EHMT1: variants seen among roughly 807,000 people sequenced by gnomAD.
The protein encoded by EHMT1 is histone-lysine N-methyltransferase EHMT1.
A neutral mutation model predicts 147.2 loss-of-function variants in EHMT1; 15 were observed. The observed-to-expected ratio is 0.10, with a 90% CI of 0.07 to 0.16. The LOEUF (loss-of-function observed/expected upper bound fraction) is 0.16, where lower values mean the gene tolerates loss of function less well. EHMT1 is among the 10% of genes least tolerant of loss of function. The probability of loss-of-function intolerance (pLI) is 1.00; values close to 1 mark genes in which losing one functional copy is unlikely to be tolerated. For synonymous variants in EHMT1, 795 were observed against 709.6 expected (o/e 1.12, Z -1.91); for missense variants, 1,587 against 1,772.4 (o/e 0.90, Z 1.88).
At chr9:137,831,404 C>T (rs1381088451) in intron 25 of EHMT1, among the ~76,000 whole-genome samples, 1 of 152,180 alleles carries the variant, frequency 6.6e-6, no homozygotes, top group South Asian at 2.1e-4. Flanking sequence ...TTGGGGCATT[C>T]AGGTTGATTT....
chr9:137,745,645 G>C (rs1018910377), intron 6 of EHMT1: 1 of 397,840 alleles, frequency 2.5e-6, no homozygotes, highest in African/African-American at 2.1e-5. Context: ...CAGCTGCCGC[G>C]GTCTCTGCAC....
chr9:137,832,205 C>T (rs1288816584), intron 25 of EHMT1, among the ~76,000 whole-genome samples: 1 of 149,972 alleles, frequency 6.7e-6, no homozygotes, highest in Non-Finnish European at 1.5e-5. Context: ...ACAGGCCCCA[C>T]CTCCTACATG....
At chr9:137,809,410 C>T (rs959874043) in intron 18 of EHMT1, among the ~76,000 whole-genome samples, 6 of 152,210 alleles carry the variant, frequency 3.9e-5, no homozygotes, top group Admixed American at 6.5e-5. Flanking sequence ...GATGTGGCGG[C>T]GGCCCTGCGC....
At position 137,743,914 on chromosome 9, in the gene EHMT1, C is replaced by G; in HGVS notation, c.994C>G (p.Leu332Val). The change falls in exon 6 of 27, where the codon CTG (leucine) becomes GTG (valine). Residue 332 changes from leucine (L) to valine (V), a missense_variant. Transcript: ENST00000460843. ...STVGSKGEKD[L>V]GASSLHVNGE... ...GCCCGTGTTCTAGGGGGAGAAGGAC[C>G]TGGGCGCCAGCAGCCTGCACGTGAA... 2 of 1,612,526 alleles carry G rather than the reference C, an allele frequency of 1.2e-6. No individual in the cohort carries two copies. The highest frequency in any genetic ancestry group is 2.2e-5 in the East Asian group (1 of 44,862).
At position 137,717,073 on chromosome 9, in the gene EHMT1, C is replaced by A. The variant is rs777497639; in HGVS notation, c.533C>A (p.Thr178Asn). The A allele has an allele frequency of 2.5e-6, 4 of 1,610,730 alleles. No homozygotes were observed. Among genetic ancestry groups the A allele is most frequent in the Non-Finnish European group, 3.4e-6 (4 of 1,178,464 alleles). ...CAGACGCCAGCCGCCCCACCAGCCACCCTTGGGGAGGGGAGTGCTGACACA... is the reference window on the plus strand; with the variant it reads ...CAGACGCCAGCCGCCCCACCAGCCAACCTTGGGGAGGGGAGTGCTGACACA... ...FPQTPAAPPA[T>N]LGEGSADTED... The change falls in exon 3 of 27, where the codon ACC becomes AAC. Residue 178 changes from threonine to asparagine, a missense_variant. Around this residue, in one of 7 missense-constraint regions of EHMT1, gnomAD observed 810 missense variants for 673.0 expected, o/e 1.20. Coordinates refer to ENST00000460843, the MANE Select transcript of EHMT1 (RefSeq NM_024757.5).
In EHMT1 at chr9:137,813,350, T is replaced by A; in HGVS notation, c.3036-36T>A. On this transcript the variant is annotated intron_variant, in intron 20 of 26. Coordinates refer to ENST00000460843, the MANE Select transcript of EHMT1 (RefSeq NM_024757.5). The surrounding 1 kb of genome is among the most constrained non-coding windows in gnomAD (Gnocchi z 4.9). Reference sequence around the variant, plus strand: ...TGTGCCACCCCCTGGGCAGAGCACGTCAGCCACCAGGTGACACCTGTCCTT... The same window carrying A: ...TGTGCCACCCCCTGGGCAGAGCACGACAGCCACCAGGTGACACCTGTCCTT... 1 of 1,598,308 alleles carries A rather than the reference T, an allele frequency of 6.3e-7. No individual in the cohort carries two copies. Among genetic ancestry groups the A allele is most frequent in the Non-Finnish European group, 8.5e-7 (1 of 1,175,168 alleles).
At chr9:137,783,481 T>C (rs997929876) in intron 15 of EHMT1, among the ~76,000 whole-genome samples, 1 of 152,252 alleles carries the variant, frequency 6.6e-6, no homozygotes, top group African/African-American at 2.4e-5. Context: ...GATGGTATTA[T>C]GGTTATTTTG....
At position 137,782,513 on chromosome 9, in the gene EHMT1, A is replaced by G. The variant is rs1951638649; in HGVS notation, c.2382+116A>G. 1 of 986,532 alleles carries G rather than the reference A, an allele frequency of 1.0e-6. No individual in the cohort carries two copies. Among genetic ancestry groups the G allele is most frequent in the Non-Finnish European group, 1.5e-6 (1 of 651,272 alleles). 61.1% of individuals were successfully genotyped at this position (986,532 alleles called of 1,614,324 possible). Reference sequence around the variant, plus strand: ...GTGTAAGAGTTCCGTAGTGCTGTGAATCGGGCACAGAGTCAGCTTTTCTGC... The same window carrying G: ...GTGTAAGAGTTCCGTAGTGCTGTGAGTCGGGCACAGAGTCAGCTTTTCTGC... On this transcript the variant is annotated intron_variant, in intron 15 of 26. Coordinates refer to ENST00000460843, the MANE Select transcript of EHMT1 (RefSeq NM_024757.5). The surrounding 1 kb of genome is among the most constrained non-coding windows in gnomAD (Gnocchi z 5.7).
intron 23 of EHMT1, chr9:137,817,012 C>T (rs1356015311): frequency 3.9e-6 from 1 of 255,670 alleles, no homozygotes; most frequent in East Asian, 1.0e-4. Context: ...CCGCCACCTC[C>T]CCTGCCACCC....
chr9:137,636,896 CTTTT>C (rs35700929), intron 1 of EHMT1, among the ~76,000 whole-genome samples: 1 of 120,976 alleles, frequency 8.3e-6, no homozygotes, highest in Non-Finnish European at 1.7e-5. Context: ...CAGTTTCACT[CTTTT>C]TTTTTTTTTT....
chr9:137,622,555 A>T (rs1194986088), intron 1 of EHMT1, among the ~76,000 whole-genome samples: 1 of 152,170 alleles, frequency 6.6e-6, no homozygotes, highest in Non-Finnish European at 1.5e-5. Flanking sequence ...ACTTCCATTA[A>T]TGGTGAATTA....
At chr9:137,730,156 G>A (rs1183909107) in intron 4 of EHMT1, among the ~76,000 whole-genome samples, 1 of 152,210 alleles carries the variant, frequency 6.6e-6, no homozygotes, top group African/African-American at 2.4e-5. Flanking sequence ...ACTGACAAGT[G>A]TCCTTAGGAA....
chr9:137,834,028 G>A (rs7039471), intron 25 of EHMT1: 19,011 of 426,906 alleles, frequency 0.045, 3,010 homozygotes, highest in African/African-American at 0.35. Flanking sequence ...ATGGGTCCTC[G>A]GGTGGGATGG....
At chr9:137,811,420 A>G (rs771258411) in intron 18 of EHMT1, 41 bp from the exon 19 acceptor site, 4 of 1,609,854 alleles carry the variant, frequency 2.5e-6, no homozygotes, top group Non-Finnish European at 3.4e-6. Flanking sequence ...ACTGTGAGCC[A>G]GCAGGAAGCC....
At chr9:137,660,318 A>G (rs1272367390) in intron 1 of EHMT1, among the ~76,000 whole-genome samples, 1 of 152,250 alleles carries the variant, frequency 6.6e-6, no homozygotes, top group East Asian at 1.9e-4. Flanking sequence ...CCTGGGTTAC[A>G]GAGCCAGACC....
intron 4 of EHMT1, among the ~76,000 whole-genome samples, chr9:137,739,188 G>T (rs994605998): frequency 6.6e-6 from 1 of 151,490 alleles, no homozygotes. Flanking sequence ...TGGCTAACAC[G>T]GTGAAACCTC....
intron 1 of EHMT1, among the ~76,000 whole-genome samples, chr9:137,672,852 A>G (rs1485878178): frequency 6.6e-6 from 1 of 152,202 alleles, no homozygotes; most frequent in Non-Finnish European, 1.5e-5. Flanking sequence ...TGTTGTGGAA[A>G]CATTTAAAAA....
intron 18 of EHMT1, among the ~76,000 whole-genome samples, chr9:137,806,540 A>T (rs1258816837): frequency 6.6e-6 from 1 of 151,286 alleles, no homozygotes; most frequent in African/African-American, 2.4e-5. Context: ...GTTTCAGGCG[A>T]TTCTCCTGCC....
chr9:137,675,155 G>C (rs924970715), intron 1 of EHMT1: 2 of 152,226 alleles, frequency 1.3e-5, no homozygotes, highest in African/African-American at 4.8e-5. Context: ...TTGTCATGAA[G>C]TGTGAACTTG....
Sources: gnomAD v4.1 joint callset for allele counts (sites outside exome capture counted in the v4.1 genomes callset) on GRCh38, gnomAD v4.1.1 for gene constraint, gnomAD v4.1.1 regional missense constraint, Gnocchi (gnomAD v3.1) non-coding constraint, MANE v1.5 for transcripts, NCBI Gene and HGNC (gene_info 2026-07-23, HGNC 2026-07-21) for gene names.